The following ZFP91 variants were observed in gnomAD, a reference collection of about 807,000 sequenced individuals.
ZFP91 encodes the protein ZFP91 zinc finger protein, atypical E3 ubiquitin ligase, also known as E3 ubiquitin-protein ligase ZFP91.
In ZFP91, 7 loss-of-function variants were observed where a neutral mutation model predicts 63.5. The observed-to-expected ratio is 0.11, with a 90% CI of 0.06 to 0.21. The LOEUF (loss-of-function observed/expected upper bound fraction) is 0.21. ZFP91 is among the 10% of genes least tolerant of loss of function. The probability of loss-of-function intolerance (pLI) is 1.00; values close to 1 mark genes in which losing one functional copy is unlikely to be tolerated. For missense variants in ZFP91, 628 were observed against 736.6 expected, an observed-to-expected ratio of 0.85 and a Z score of 1.71; for synonymous variants, 330 against 272.1, an observed-to-expected ratio of 1.21 and a Z score of -2.10.
chr11:58,611,621 G>A lies in ZFP91; in HGVS notation c.740G>A (p.Arg247Gln), dbSNP rs774867299. The A allele has an allele frequency of 6.8e-6, 11 of 1,611,832 alleles. No homozygotes were observed. Among genetic ancestry groups the A allele is most frequent in the East Asian group, 4.5e-5 (2 of 44,786 alleles). Residue 247 changes from arginine (R) to glutamine (Q), a missense_variant, in exon 6 of 11, where the codon CGG (arginine) becomes CAG (glutamine). By Grantham distance (43) the Arg-to-Gln change is conservative (BLOSUM62 1). Coordinates refer to ENST00000316059, the MANE Select transcript of ZFP91 (RefSeq NM_053023.5). The part of the protein sequence containing the change: ...PHLERETPKP[R>Q]RKSGKVKEEK... ...GTTTTCAGGGAAACCCCAAAGCCAC[G>A]GAGAAAATCAGGGAAGGTAAAAGAA...
chr11:58,596,608 T>C (rs1855408102), intron 2 of ZFP91, among the ~76,000 whole-genome samples: 1 of 152,116 alleles, frequency 6.6e-6, no homozygotes, highest in African/African-American at 2.4e-5. Flanking sequence ...CATCATGTCA[T>C]CTTGTTACTT....
At chr11:58,586,984 T>G (rs1855220930) in intron 2 of ZFP91, among the ~76,000 whole-genome samples, 1 of 152,218 alleles carries the variant, frequency 6.6e-6, no homozygotes, top group South Asian at 2.1e-4. Flanking sequence ...ATTGTATGCC[T>G]TCTTTGAGTT....
chr11:58,617,248 A>C lies in ZFP91; in HGVS notation c.1255A>C (p.Met419Leu). The change falls in exon 11 of 11, where the codon ATG becomes CTG. Residue 419 changes from methionine (M) to leucine (L), a missense_variant. By Grantham distance (15) the Met-to-Leu change is conservative (BLOSUM62 2). Coordinates refer to ENST00000316059, the MANE Select transcript of ZFP91 (RefSeq NM_053023.5). The surrounding 1 kb of genome is among the most constrained non-coding windows in gnomAD (Gnocchi z 4.2). The part of the protein sequence containing the change: ...CRQKASLNWH[M>L]KKHDADSFYQ... Reference sequence around the variant, plus strand: ...ACAAAAGGCATCTCTTAATTGGCACATGAAGAAACATGATGCAGACTCCTT... The same window carrying C: ...ACAAAAGGCATCTCTTAATTGGCACCTGAAGAAACATGATGCAGACTCCTT... 6.2e-7 allele frequency: 1 copy of C among 1,610,876 alleles called. No individual in the cohort carries two copies. Among genetic ancestry groups the C allele is most frequent in the Non-Finnish European group, 8.5e-7 (1 of 1,178,986 alleles).
rs750712690 is a variant in ZFP91, at chr11:58,617,391, A to T, written c.1398A>T (p.Ala466=). 6.2e-7 allele frequency: 1 copy of T among 1,613,620 alleles called. No homozygotes were observed. Among genetic ancestry groups the T allele is most frequent in the Admixed American group, 1.7e-5 (1 of 59,932 alleles). ...VLIAEALAAN[A]GALITSTDIL... The stretch of plus-strand genomic sequence containing the variant: ...TTGCAGAAGCTCTGGCTGCCAATGC[A>T]GGCGCCCTCATCACCAGCACAGATA... The change falls in exon 11 of 11, where the codon GCA becomes GCT. Residue 466 remains alanine, a synonymous_variant. Transcript: ENST00000316059. This position sits in a 1 kb window ranked among gnomAD's most constrained non-coding sequence, Gnocchi z 4.2.
intron 2 of ZFP91, among the ~76,000 whole-genome samples, chr11:58,592,150 T>C (rs904558032): frequency 2.0e-5 from 3 of 148,748 alleles, no homozygotes; most frequent in Non-Finnish European, 3.0e-5. Context: ...TGACGTGATA[T>C]CGGCTCACTG....
At chr11:58,606,925 C>T (rs1441474514) in intron 2 of ZFP91, among the ~76,000 whole-genome samples, 1 of 152,050 alleles carries the variant, frequency 6.6e-6, no homozygotes, top group Non-Finnish European at 1.5e-5. Context: ...TTTTTGCTGT[C>T]ATCTCTGACA....
rs967275233 is a variant in ZFP91, at chr11:58,617,114, T to G, written c.1203-82T>G. The G allele has an allele frequency of 7.7e-7, 1 of 1,291,678 alleles. No individual in the cohort carries two copies. Among genetic ancestry groups the G allele is most frequent in the Admixed American group, 2.3e-5 (1 of 42,832 alleles). 80.0% of individuals were successfully genotyped at this position (1,291,678 alleles called of 1,614,324 possible). On this transcript the variant is annotated intron_variant, in intron 10 of 10. Coordinates refer to ENST00000316059, the MANE Select transcript of ZFP91 (RefSeq NM_053023.5). This position sits in a 1 kb window ranked among gnomAD's most constrained non-coding sequence, Gnocchi z 4.2. ...TGTGTGTGTGTATGTATATATATGC[T>G]CTAAACTCTAACCCTGATCCTGAAT... is the stretch of plus-strand genomic sequence containing the variant.
chr11:58,588,221 T>C (rs918817113), intron 2 of ZFP91, among the ~76,000 whole-genome samples: 1 of 152,202 alleles, frequency 6.6e-6, no homozygotes. Flanking sequence ...GTTGCTCTTA[T>C]GAAATAGTGA....
chr11:58,600,876 CA>C (rs1230414292), intron 2 of ZFP91, among the ~76,000 whole-genome samples: 1 of 152,076 alleles, frequency 6.6e-6, no homozygotes, highest in Non-Finnish European at 1.5e-5. Context: ...TTAATTTTGT[CA>C]GGTTCTTTTT....
intron 2 of ZFP91, among the ~76,000 whole-genome samples, chr11:58,606,006 G>A (rs977713552): frequency 9.2e-5 from 14 of 151,848 alleles, no homozygotes; most frequent in African/African-American, 1.7e-4. Context: ...TCAAGTCTGC[G>A]GTGAATTTTT....
chr11:58,608,216 C>A (rs1045300916), intron 2 of ZFP91, among the ~76,000 whole-genome samples: 3 of 151,574 alleles, frequency 2.0e-5, no homozygotes, highest in Non-Finnish European at 4.4e-5. Flanking sequence ...ACATATATAT[C>A]TCTCTCTTAC....
intron 1 of ZFP91, among the ~76,000 whole-genome samples, chr11:58,582,220 A>C (rs1286991095): frequency 1.1e-4 from 16 of 152,176 alleles, no homozygotes; most frequent in Admixed American, 1.0e-3. Flanking sequence ...AGATATGTCA[A>C]ATGTGTGTAT....
chr11:58,600,715 G>A (rs1181934051), intron 2 of ZFP91, among the ~76,000 whole-genome samples: 1 of 152,082 alleles, frequency 6.6e-6, no homozygotes, highest in Non-Finnish European at 1.5e-5. Flanking sequence ...AAGAATGAGG[G>A]CATCCTTGTC....
Position 58,579,576 on chromosome 11 carries a change from G to A in ZFP91, c.295G>A (p.Ala99Thr). 1 of 1,584,574 alleles carries A rather than the reference G, an allele frequency of 6.3e-7. No homozygotes were observed. The highest frequency in any genetic ancestry group is 1.8e-5 in the Admixed American group (1 of 56,984). The change falls in exon 1 of 11, where the codon GCG (alanine) becomes ACG (threonine). Residue 99 changes from alanine to threonine, a missense_variant. Around this residue, in one of 3 missense-constraint regions of ZFP91, gnomAD observed 437 missense variants for 380.3 expected, o/e 1.15. Transcript: ENST00000316059. Reference protein sequence around the residue: ...PDVPGQQPQAAKSPSPVQGKK... With the variant: ...PDVPGQQPQATKSPSPVQGKK... ...CGTCCCCGGGCAGCAGCCCCAGGCCGCGAAGTCCCCGTCTCCAGTTCAGGG... is the reference window on the plus strand; with the variant it reads ...CGTCCCCGGGCAGCAGCCCCAGGCCACGAAGTCCCCGTCTCCAGTTCAGGG...
intron 4 of ZFP91, 68 bp from the exon 5 acceptor site, chr11:58,610,882 C>A: frequency 6.9e-7 from 1 of 1,440,976 alleles, no homozygotes; most frequent in Non-Finnish European, 9.5e-7. Context: ...TAAAAAATTA[C>A]CAAATAAAAT....
chr11:58,604,626 G>A (rs1397076358), intron 2 of ZFP91, among the ~76,000 whole-genome samples: 1 of 152,144 alleles, frequency 6.6e-6, no homozygotes, highest in African/African-American at 2.4e-5. Context: ...TGTGTCTTTG[G>A]ATCTAAAGCA....
chr11:58,613,355 A>G (rs971976049), intron 8 of ZFP91, among the ~76,000 whole-genome samples: 3 of 152,164 alleles, frequency 2.0e-5, no homozygotes, highest in African/African-American at 7.2e-5. Flanking sequence ...ACCCATTTAT[A>G]TAAGGGTAGA....
At chr11:58,591,070 C>G (rs140217765) in intron 2 of ZFP91, among the ~76,000 whole-genome samples, 1 of 152,282 alleles carries the variant, frequency 6.6e-6, no homozygotes, top group Admixed American at 6.5e-5. Context: ...TGAGCCCAAT[C>G]ATGTAACCAT....
At chr11:58,583,989 G>A (rs1332989493) in intron 1 of ZFP91, among the ~76,000 whole-genome samples, 1 of 151,968 alleles carries the variant, frequency 6.6e-6, no homozygotes, top group African/African-American at 2.4e-5. Context: ...TTCAGGGCCT[G>A]TTGACTTTTG....
Sources: gnomAD v4.1 joint callset for allele counts (sites outside exome capture counted in the v4.1 genomes callset) on GRCh38, gnomAD v4.1.1 for gene constraint, gnomAD v4.1.1 regional missense constraint, Gnocchi (gnomAD v3.1) non-coding constraint, MANE v1.5 for transcripts, NCBI Gene and HGNC (gene_info 2026-07-23, HGNC 2026-07-21) for gene names.